ABCB11: variants seen among roughly 807,000 people sequenced by gnomAD.
ABCB11 encodes bile salt export pump.
A neutral mutation model predicts 148.0 loss-of-function variants in ABCB11; 95 were observed. The observed-to-expected ratio is 0.64, with a 90% confidence interval of 0.54 to 0.76. The LOEUF is 0.76. Among genes scored for constraint, ABCB11 ranks in the 30% least tolerant of loss-of-function variants. ABCB11 has a pLI of 0.00. For missense variants in ABCB11, 1,523 were observed against 1,617.8 expected, an observed-to-expected ratio of 0.94 and a Z score of 1.01; for synonymous variants, 591 against 555.4, an observed-to-expected ratio of 1.06 and a Z score of -0.90.
At chr2:169,009,313 G>A (rs1695111035) in intron 5 of ABCB11, among the ~76,000 whole-genome samples, 1 of 152,018 alleles carries the variant, frequency 6.6e-6, no homozygotes, top group Non-Finnish European at 1.5e-5. Context: ...CAATAGCAAA[G>A]ACTTGGAACC....
Position 168,986,164 on chromosome 2 carries a change from G to C in ABCB11, c.1029C>G (p.Tyr343Ter), listed in dbSNP as rs751446926. The C allele has an allele frequency of 3.1e-6, 5 of 1,612,946 alleles. No individual in the cohort carries two copies. The highest frequency in any genetic ancestry group is 3.4e-6 in the Non-Finnish European group (4 of 1,179,430). Reference sequence around the variant, plus strand: ...CTTCATCCAGGACAAGTGTGGAGCCGTACCAGAAGGCCAGTGCATAACACA... The same window carrying C: ...CTTCATCCAGGACAAGTGTGGAGCCCTACCAGAAGGCCAGTGCATAACACA... ...IFLCYALAFW[Y>*]GSTLVLDEGE... Residue 343 changes from tyrosine (Y) to a stop codon, truncating the protein, a stop_gained, in exon 10 of 28, where the codon TAC becomes TAG. Coordinates refer to ENST00000650372, the MANE Select transcript of ABCB11 (RefSeq NM_003742.4). LOFTEE classifies it high-confidence loss of function.
Position 168,976,559 on chromosome 2 carries a change from G to C in ABCB11, c.1308+18C>G. The C allele has an allele frequency of 7.3e-7, 1 of 1,377,884 alleles. No homozygotes were observed. The highest frequency in any genetic ancestry group is 1.3e-5 in the South Asian group (1 of 75,134). The allele number at this position is 1,377,884 out of a possible 1,614,324, so 85.4% of individuals were successfully genotyped here. A position where few individuals can be genotyped will look rare whatever the true frequency, so the allele number is the denominator to read the frequency against. On this transcript the variant is annotated intron_variant, in intron 12 of 27. Coordinates refer to ENST00000650372, the MANE Select transcript of ABCB11 (RefSeq NM_003742.4). ...AGAAGAAAACATTTACTATTCTGGG[G>C]AACAGACCAGCACTCACCTTCACCT...
chr2:168,944,391 G>A lies in ABCB11; in HGVS notation c.2610+214C>T, dbSNP rs1692206569. 1.3e-5 allele frequency among the ~76,000 whole-genome samples: 2 copies of A among 151,982 alleles called. 1 individual carries two copies. Among genetic ancestry groups the A allele is most frequent in the South Asian group, 4.1e-4 (2 of 4,832 alleles). On this transcript the variant is annotated intron_variant, in intron 21 of 27. Coordinates refer to ENST00000650372, the MANE Select transcript of ABCB11 (RefSeq NM_003742.4). Reference sequence around the variant, plus strand: ...AAATCCAAAACCCTGACAGATTTTGGTGCATGCCATATATTGATTCTGGGC... The same window carrying A: ...AAATCCAAAACCCTGACAGATTTTGATGCATGCCATATATTGATTCTGGGC...
chr2:169,000,846 T>G (rs1028860530), intron 5 of ABCB11, among the ~76,000 whole-genome samples: 2 of 152,184 alleles, frequency 1.3e-5, no homozygotes, highest in Admixed American at 1.3e-4. Flanking sequence ...AGGGCTTAAA[T>G]ATGTCATTTT....
At chr2:169,009,977 A>G (rs904762591) in intron 5 of ABCB11, among the ~76,000 whole-genome samples, 10 of 152,280 alleles carry the variant, frequency 6.6e-5, no homozygotes, top group Non-Finnish European at 1.3e-4. Flanking sequence ...GTGAAAGGAC[A>G]GGCCTAGATT....
chr2:168,973,927 G>A (rs1183795364), intron 12 of ABCB11, 87 bp from the exon 13 acceptor site: 13 of 1,470,172 alleles, frequency 8.8e-6, no homozygotes, highest in Non-Finnish European at 1.0e-5. Flanking sequence ...GCTTTGTGTT[G>A]ATACTCGGTG....
chr2:168,960,426 G>A (rs3821120), intron 18 of ABCB11, among the ~76,000 whole-genome samples: 2 of 151,332 alleles, frequency 1.3e-5, no homozygotes, highest in African/African-American at 2.4e-5. Context: ...TTTCTGGAAC[G>A]ATTGCCCCAC....
intron 23 of ABCB11, 94 bp downstream of exon 23, chr2:168,935,090 A>T: frequency 2.0e-6 from 3 of 1,513,494 alleles, no homozygotes; most frequent in Non-Finnish European, 2.7e-6. Context: ...CAAGCTTGGG[A>T]TGGTTTGCTA....
rs79777432 is a variant in ABCB11, at chr2:168,945,083, A to G, written c.2344-122T>C. On this transcript the variant is annotated intron_variant, in intron 19 of 27. Transcript: ENST00000650372. ...ATATCTGTCCAAATTCATAAAATAT[A>G]CAACACCAAGAGTGAACCCTAATGT... The G allele has an allele frequency of 1.1e-3, 717 of 665,780 alleles. 1 individual carries two copies. The African/African-American group carries it at 0.012, about 11-fold the overall frequency. 41.2% of individuals were successfully genotyped at this position (665,780 alleles called of 1,614,324 possible). A position where few individuals can be genotyped will look rare whatever the true frequency, so the allele number is the denominator to read the frequency against.
intron 24 of ABCB11, among the ~76,000 whole-genome samples, 194 bp downstream of exon 24, chr2:168,932,183 G>A (rs1250322965): frequency 2.6e-5 from 4 of 151,788 alleles, no homozygotes; most frequent in Admixed American, 6.6e-5. Context: ...GACAGGCCCC[G>A]GTGTGTGATG....
chr2:168,962,031 A>T (rs1281466396), intron 18 of ABCB11, among the ~76,000 whole-genome samples: 1 of 151,744 alleles, frequency 6.6e-6, no homozygotes, highest in Non-Finnish European at 1.5e-5. Flanking sequence ...GTTACTTGAG[A>T]TTAGAAATTT....
rs769843373 is a variant in ABCB11, at chr2:168,973,716, A to T, written c.1433T>A (p.Met478Lys). Residue 478 changes from methionine (M) to lysine (K), a missense_variant and splice_region_variant, in exon 13 of 28, where the codon ATG becomes AAG. Transcript: ENST00000650372. ...GAGGAGTTTCTGGAAGACACCCACC[A>T]TTCCTTCACAGGGGTCATAGAATCG... ...IQRFYDPCEG[M>K]VTVDGHDIRS... The T allele has an allele frequency of 6.2e-7, 1 of 1,611,470 alleles. No homozygotes were observed. The highest frequency in any genetic ancestry group is 1.3e-5 in the African/African-American group (1 of 74,784).
At chr2:168,974,607 A>C (rs1693732612) in intron 12 of ABCB11, among the ~76,000 whole-genome samples, 1 of 151,974 alleles carries the variant, frequency 6.6e-6, no homozygotes, top group African/African-American at 2.4e-5. Flanking sequence ...AGCAGGCATC[A>C]AATGTGCTTT....
intron 10 of ABCB11, among the ~76,000 whole-genome samples, chr2:168,982,392 G>A (rs952122641): frequency 2.0e-5 from 3 of 152,184 alleles, no homozygotes; most frequent in African/African-American, 2.4e-5. Context: ...TACATAATAC[G>A]TCACTCAGTG....
At chr2:168,974,330 C>A (rs998024598) in intron 12 of ABCB11, among the ~76,000 whole-genome samples, 1 of 151,984 alleles carries the variant, frequency 6.6e-6, no homozygotes, top group African/African-American at 2.4e-5. Context: ...TTTGAATAAA[C>A]TTACTTAATA....
In ABCB11 at chr2:168,930,672, C is replaced by T. The variant is rs1559179021; in HGVS notation, c.3404G>A (p.Gly1135Glu). ...LLERFYDPDQ[G>E]KVMIDGHDSK... is the part of the protein sequence containing the mutation. The stretch of plus-strand genomic sequence containing the variant: ...AAAGGTTGCGTGGCTTACCACCTTC[C>T]CTTGATCAGGATCATAGAAACGTTC... Residue 1135 changes from glycine (G) to glutamate (E), a missense_variant, in exon 25 of 28, where the codon GGG (glycine) becomes GAG (glutamate). By Grantham distance (98) the Gly-to-Glu change is moderately conservative. Coordinates refer to ENST00000650372, the MANE Select transcript of ABCB11 (RefSeq NM_003742.4). 1 of 1,537,928 alleles carries T rather than the reference C, an allele frequency of 6.5e-7. No homozygotes were observed. Among genetic ancestry groups the T allele is most frequent in the Non-Finnish European group, 8.8e-7 (1 of 1,134,602 alleles).
intron 1 of ABCB11, among the ~76,000 whole-genome samples, chr2:169,019,670 A>G (rs1358835914): frequency 3.3e-5 from 5 of 152,182 alleles, no homozygotes; most frequent in African/African-American, 1.2e-4. Flanking sequence ...GTTGTTCAAG[A>G]ATCAAACTGT....
At position 168,986,095 on chromosome 2, in the gene ABCB11, A is replaced by G. The variant is rs746615875; in HGVS notation, c.1083+15T>C. 26 of 1,545,934 alleles carry G rather than the reference A, an allele frequency of 1.7e-5. No homozygotes were observed. The South Asian group carries it at 2.4e-4, about 14-fold the overall frequency. ...AGAAGGAAATGCTATGTCTCGGTCA[A>G]TAAGTCCAAGGTACCTGGACAAGGG... On this transcript the variant is annotated intron_variant, in intron 10 of 27. Coordinates refer to ENST00000650372, the MANE Select transcript of ABCB11 (RefSeq NM_003742.4).
intron 1 of ABCB11, among the ~76,000 whole-genome samples, chr2:169,028,546 A>G (rs1178875148): frequency 6.6e-6 from 1 of 152,096 alleles, no homozygotes; most frequent in African/African-American, 2.4e-5. Flanking sequence ...AGGCTGAAGG[A>G]GCCCAGTGAA....
Sources: allele counts gnomAD v4.1 joint callset (sites outside exome capture counted in the v4.1 genomes callset), GRCh38; gene constraint gnomAD v4.1.1; transcripts MANE v1.5; gene names NCBI Gene and HGNC (gene_info 2026-07-23, HGNC 2026-07-21).